The following ZBTB22 variants were observed in gnomAD, a reference collection of about 807,000 sequenced individuals.
The protein encoded by ZBTB22 is zinc finger and BTB domain-containing protein 22.
For synonymous variants in ZBTB22, 356 were observed against 347.3 expected (o/e 1.03, Z -0.28); for missense variants, 668 against 834.1 (o/e 0.80, Z 2.45).
Position 33,316,282 on chromosome 6 carries a change from C to T in ZBTB22, c.635G>A (p.Arg212Lys), listed in dbSNP as rs201549530. Residue 212 changes from arginine to lysine, a missense_variant, in exon 2 of 2, where the codon AGG (arginine) becomes AAG (lysine). Coordinates refer to ENST00000431845, the MANE Select transcript of ZBTB22 (RefSeq NM_005453.5). The surrounding 1 kb of genome is among the most constrained non-coding windows in gnomAD (Gnocchi z 7.2). Reference sequence around the variant, plus strand: ...GGAAGATGAGAAATCAGTGGACTCCCTGGGGCTGAAGTAGTTGCTGCTGCT... The same window carrying T: ...GGAAGATGAGAAATCAGTGGACTCCTTGGGGCTGAAGTAGTTGCTGCTGCT... ...SPSSSNYFSP[R>K]ESTDFSSSSQ... is the part of the protein sequence containing the mutation. 1 of 1,614,154 alleles carries T rather than the reference C, an allele frequency of 6.2e-7. No homozygotes were observed. The highest frequency in any genetic ancestry group is 1.3e-5 in the African/African-American group (1 of 75,064).
rs138395717 is a variant in ZBTB22, at chr6:33,315,710, T to C, written c.1207A>G (p.Thr403Ala). 8.6e-5 allele frequency: 139 copies of C among 1,610,528 alleles called. No individual in the cohort carries two copies. In the African/African-American group the frequency reaches 1.6e-3, roughly 18 times the overall value. ...VAGLDDSGGPTPSSYAPSHPP... is the reference protein window; with the variant it reads ...VAGLDDSGGPAPSSYAPSHPP... ...TGGGAGGGGGCATAGGAAGAGGGAG[T>C]TGGCCCCCCTGAGTCATCAAGACCT... is the stretch of plus-strand genomic sequence containing the variant. The change falls in exon 2 of 2, where the codon ACT (threonine) becomes GCT (alanine). Residue 403 changes from threonine to alanine, a missense_variant. Physicochemically the swap from Thr to Ala is moderately conservative, Grantham distance 58. Coordinates refer to ENST00000431845, the MANE Select transcript of ZBTB22 (RefSeq NM_005453.5). The surrounding 1 kb of genome is among the most constrained non-coding windows in gnomAD (Gnocchi z 5.4).
chr6:33,317,495 A>ACCC (rs9257105), intron 1 of ZBTB22, among the ~76,000 whole-genome samples, 158 bp downstream of exon 1: 1,143 of 84,350 alleles, frequency 0.014, 16 homozygotes, highest in South Asian at 0.041. Flanking sequence ...TTCCAGGCCC[A>ACCC]CCCCCCCGTG....
chr6:33,317,920 T>C (rs1473648622), upstream of ZBTB22: 1 of 152,026 alleles, frequency 6.6e-6, no homozygotes, highest in East Asian at 1.9e-4. Flanking sequence ...GCTCAGGACT[T>C]GGTTCGGCCG....
chr6:33,316,149 C>T lies in ZBTB22; in HGVS notation c.768G>A (p.Lys256=). Residue 256 remains lysine (K), a synonymous_variant, in exon 2 of 2, where the codon AAG becomes AAA. Transcript: ENST00000431845. The surrounding 1 kb of genome is among the most constrained non-coding windows in gnomAD (Gnocchi z 7.2). The part of the protein sequence containing the change: ...VVGSGGATSG[K]LLLEADELCD... ...ACAGCTCATCTGCCTCCAGCAGCAG[C>T]TTTCCAGATGTGGCCCCTCCACTGC... is the stretch of plus-strand genomic sequence containing the variant. The T allele has an allele frequency of 6.2e-7, 1 of 1,613,852 alleles. No homozygotes were observed.
Position 33,315,697 on chromosome 6 carries a change from TAGGAAG to T in ZBTB22, c.1214_1219del (p.Ser405_Ser406del). 1 of 1,612,956 alleles carries T rather than the reference TAGGAAG, an allele frequency of 6.2e-7. No homozygotes were observed. On this transcript the variant is annotated inframe_deletion, in exon 2 of 2. Coordinates refer to ENST00000431845, the MANE Select transcript of ZBTB22 (RefSeq NM_005453.5). This position sits in a 1 kb window ranked among gnomAD's most constrained non-coding sequence, Gnocchi z 5.4. ...CGGTCGAGGAGGGTGGGAGGGGGCA[TAGGAAG>T]AGGGAGTTGGCCCCCCTGAGTCATC...
rs1322108430 is a variant in ZBTB22, at chr6:33,317,039, G to A, written c.-69-54C>T. The A allele has an allele frequency of 9.8e-6, 12 of 1,230,298 alleles. No homozygotes were observed. In the African/African-American group the frequency reaches 1.7e-4, roughly 17 times the overall value. The allele number at this position is 1,230,298 out of a possible 1,614,324, so 76.2% of individuals were successfully genotyped here. A position where few individuals can be genotyped will look rare whatever the true frequency, so the allele number is the denominator to read the frequency against. The stretch of plus-strand genomic sequence containing the variant: ...ATAACATCTCATAACGACACAGCCC[G>A]TTACAACTCAAAAATATGTTCACGC... On this transcript the variant is annotated intron_variant, in intron 1 of 1. Transcript: ENST00000431845.
Position 33,315,893 on chromosome 6 carries a change from C to T in ZBTB22, c.1024G>A (p.Gly342Ser), listed in dbSNP as rs761674736. 1.9e-6 allele frequency: 3 copies of T among 1,613,928 alleles called. No homozygotes were observed. The highest frequency in any genetic ancestry group is 2.5e-6 in the Non-Finnish European group (3 of 1,179,968). ...CCCCCCACTGGAACCCTGGAGCTAC[C>T]CCCTAGTTCTTCATCTTCATCATCC... Reference protein sequence around the residue: ...CEDDEDEELGGSSRVPVGGGP... With the variant: ...CEDDEDEELGSSSRVPVGGGP... The change falls in exon 2 of 2, where the codon GGT becomes AGT. Residue 342 changes from glycine to serine, a missense_variant. Physicochemically the swap from Gly to Ser is moderately conservative, Grantham distance 56. Transcript: ENST00000431845. The surrounding 1 kb of genome is among the most constrained non-coding windows in gnomAD (Gnocchi z 5.4).
chr6:33,315,717 C>T lies in ZBTB22; in HGVS notation c.1200G>A (p.Gly400=). ...GGPVAGLDDS[G]GPTPSSYAPS... ...GGGCATAGGAAGAGGGAGTTGGCCC[C>T]CCTGAGTCATCAAGACCTGCCACAG... Residue 400 remains glycine (G), a synonymous_variant, in exon 2 of 2, where the codon GGG becomes GGA. Coordinates refer to ENST00000431845, the MANE Select transcript of ZBTB22 (RefSeq NM_005453.5). The surrounding 1 kb of genome is among the most constrained non-coding windows in gnomAD (Gnocchi z 5.4). 4 of 1,612,508 alleles carry T rather than the reference C, an allele frequency of 2.5e-6. No homozygotes were observed. Among genetic ancestry groups the T allele is most frequent in the South Asian group, 1.1e-5 (1 of 90,912 alleles).
Position 33,316,935 on chromosome 6 carries a change from AC to A in ZBTB22, c.-20del, listed in dbSNP as rs769118531. The A allele has an allele frequency of 8.7e-6, 13 of 1,501,496 alleles. No individual in the cohort carries two copies. The highest frequency in any genetic ancestry group is 2.2e-5 in the Admixed American group (1 of 44,854). The allele number at this position is 1,501,496 out of a possible 1,614,324, so 93.0% of individuals were successfully genotyped here. On this transcript the variant is annotated 5_prime_UTR_variant, in exon 2 of 2. Transcript: ENST00000431845. This position sits in a 1 kb window ranked among gnomAD's most constrained non-coding sequence, Gnocchi z 7.2. ...GCTCCATGTTGTGGAGGGAGGGGAT[AC>A]CCCCCCAGCCACAGGAACAAAGAAA...
In ZBTB22 at chr6:33,315,515, C is replaced by T; in HGVS notation, c.1402G>A (p.Gly468Ser). The T allele has an allele frequency of 6.2e-7, 1 of 1,613,912 alleles. No homozygotes were observed. Reference protein sequence around the residue: ...GTSVGSLGVPGSVGGVPGGTG... With the variant: ...GTSVGSLGVPSSVGGVPGGTG... ...CCTCCAGGGACCCCACCAACGCTAC[C>T]CGGCACACCCAGGCTCCCCACCGAC... is the stretch of plus-strand genomic sequence containing the variant. Residue 468 changes from glycine to serine, a missense_variant, in exon 2 of 2, where the codon GGT (glycine) becomes AGT (serine). Physicochemically the swap from Gly to Ser is moderately conservative, Grantham distance 56. Transcript: ENST00000431845. The surrounding 1 kb of genome is among the most constrained non-coding windows in gnomAD (Gnocchi z 5.4).
At position 33,315,355 on chromosome 6, in the gene ZBTB22, T is replaced by G; in HGVS notation, c.1562A>C (p.Lys521Thr). ...RPFDCPVCNK[K>T]FKMKHHLTEH... ...AGTCAGATGGTGCTTCATCTTGAAC[T>G]TTTTGTTGCACACGGGGCAGTCAAA... The change falls in exon 2 of 2, where the codon AAG becomes ACG. Residue 521 changes from lysine (K) to threonine (T), a missense_variant. Coordinates refer to ENST00000431845, the MANE Select transcript of ZBTB22 (RefSeq NM_005453.5). This position sits in a 1 kb window ranked among gnomAD's most constrained non-coding sequence, Gnocchi z 5.4. 1 of 1,614,170 alleles carries G rather than the reference T, an allele frequency of 6.2e-7. No homozygotes were observed. The highest frequency in any genetic ancestry group is 8.5e-7 in the Non-Finnish European group (1 of 1,180,030).
chr6:33,314,750 C>A lies in ZBTB22; in HGVS notation c.*262G>T. On this transcript the variant is annotated 3_prime_UTR_variant, in exon 2 of 2. Coordinates refer to ENST00000431845, the MANE Select transcript of ZBTB22 (RefSeq NM_005453.5). ...TCTCCCTCCCTCCATGTGCAATCTA[C>A]TCTGTGGAGCAGGGGCTTCAGTGTA... 1.8e-6 allele frequency: 1 copy of A among 568,910 alleles called. No individual in the cohort carries two copies. Among genetic ancestry groups the A allele is most frequent in the Non-Finnish European group, 2.8e-6 (1 of 355,314 alleles). 35.2% of individuals were successfully genotyped at this position (568,910 alleles called of 1,614,324 possible). A position where few individuals can be genotyped will look rare whatever the true frequency, so the allele number is the denominator to read the frequency against.
At chr6:33,317,500 C>CT (rs1769975319) in intron 1 of ZBTB22, among the ~76,000 whole-genome samples, 153 bp downstream of exon 1, 1 of 138,894 alleles carries the variant, frequency 7.2e-6, no homozygotes, top group Admixed American at 7.2e-5. Context: ...GGCCCACCCC[C>CT]CCGTGCCCCG....
chr6:33,316,044 G>T lies in ZBTB22; in HGVS notation c.873C>A (p.Ile291=). The T allele has an allele frequency of 1.9e-6, 3 of 1,613,926 alleles. No homozygotes were observed. Among genetic ancestry groups the T allele is most frequent in the Non-Finnish European group, 2.5e-6 (3 of 1,179,950 alleles). ...CGTATACCCAGTGTTTCTGTGGCAT[G>T]ATGCTAGGGGGTGTGTAGGTGGGTC... ...LRRPTYTPPS[I]MPQKHWVYVK... Residue 291 remains isoleucine, a synonymous_variant, in exon 2 of 2, where the codon ATC becomes ATA. Transcript: ENST00000431845. The surrounding 1 kb of genome is among the most constrained non-coding windows in gnomAD (Gnocchi z 7.2).
Position 33,316,273 on chromosome 6 carries a change from G to A in ZBTB22, c.644C>T (p.Thr215Ile), listed in dbSNP as rs1473411417. 1 of 1,614,180 alleles carries A rather than the reference G, an allele frequency of 6.2e-7. No individual in the cohort carries two copies. The highest frequency in any genetic ancestry group is 2.2e-5 in the East Asian group (1 of 44,888). Residue 215 changes from threonine to isoleucine, a missense_variant, in exon 2 of 2, where the codon ACT becomes ATT. By Grantham distance (89) the Thr-to-Ile change is moderately conservative (BLOSUM62 -1). Coordinates refer to ENST00000431845, the MANE Select transcript of ZBTB22 (RefSeq NM_005453.5). This position sits in a 1 kb window ranked among gnomAD's most constrained non-coding sequence, Gnocchi z 7.2. ...CTCTTGGGAGGAAGATGAGAAATCA[G>A]TGGACTCCCTGGGGCTGAAGTAGTT... ...SSNYFSPRES[T>I]DFSSSSQEAF...
In ZBTB22 at chr6:33,315,663, G is replaced by A. The variant is rs1769807635; in HGVS notation, c.1254C>T (p.Pro418=). Residue 418 remains proline (P), a synonymous_variant, in exon 2 of 2, where the codon CCC becomes CCT. Transcript: ENST00000431845. The surrounding 1 kb of genome is among the most constrained non-coding windows in gnomAD (Gnocchi z 5.4). ...GGATCTGGTTGCCCTGCATGTCCAA[G>A]GGAAGGAGCGGTCGAGGAGGGTGGG... is the stretch of plus-strand genomic sequence containing the variant. The part of the protein sequence containing the change: ...APSHPPRPLL[P]LDMQGNQILV... 3.1e-6 allele frequency: 5 copies of A among 1,613,864 alleles called. No homozygotes were observed. The East Asian group carries it at 8.9e-5, about 29-fold the overall frequency.
intron 1 of ZBTB22, 50 bp from the exon 2 acceptor site, chr6:33,317,035 G>T: frequency 7.9e-7 from 1 of 1,273,884 alleles, no homozygotes; most frequent in Non-Finnish European, 1.1e-6. Context: ...TAACGACACA[G>T]CCCGTTACAA....
At position 33,315,624 on chromosome 6, in the gene ZBTB22, C is replaced by T. The variant is rs1033531404; in HGVS notation, c.1293G>A (p.Ser431=). The part of the protein sequence containing the change: ...MQGNQILVFP[S]SSSSSSSQAP... ...CCTGTGAGGATGAGGATGAAGACGA[C>T]GACGGGAAGACCAGGATCTGGTTGC... Residue 431 remains serine (S), a synonymous_variant, in exon 2 of 2, where the codon TCG becomes TCA. Transcript: ENST00000431845. This position sits in a 1 kb window ranked among gnomAD's most constrained non-coding sequence, Gnocchi z 5.4. 3 of 1,613,908 alleles carry T rather than the reference C, an allele frequency of 1.9e-6. No individual in the cohort carries two copies. The highest frequency in any genetic ancestry group is 2.5e-6 in the Non-Finnish European group (3 of 1,179,954).
Position 33,314,782 on chromosome 6 carries a change from A to C in ZBTB22, c.*230T>G, listed in dbSNP as rs557755057. The C allele has an allele frequency of 8.0e-4, 617 of 774,644 alleles. 1 individual carries two copies. The highest frequency in any genetic ancestry group is 8.4e-4 in the Non-Finnish European group (444 of 527,778). The allele number at this position is 774,644 out of a possible 1,614,324, so 48.0% of individuals were successfully genotyped here. On this transcript the variant is annotated 3_prime_UTR_variant, in exon 2 of 2. Transcript: ENST00000431845. ...GAGCAGGGGCTTCAGTGTACCCATC[A>C]GAGGGAAAGGAAGGGTTTAGTTCTG...
Sources: allele counts gnomAD v4.1 joint callset (sites outside exome capture counted in the v4.1 genomes callset), GRCh38; gene constraint gnomAD v4.1.1; non-coding constraint Gnocchi (gnomAD v3.1); transcripts MANE v1.5; gene names NCBI Gene and HGNC (gene_info 2026-07-23, HGNC 2026-07-21).